The following SH3KBP1 variants were observed in gnomAD, a reference collection of about 807,000 sequenced individuals.
SH3KBP1 encodes the protein SH3 domain containing kinase binding protein 1.
In SH3KBP1, 8 loss-of-function variants were observed where a neutral mutation model predicts 50.1. The observed-to-expected ratio is 0.16, with a 90% CI of 0.09 to 0.29. The LOEUF (loss-of-function observed/expected upper bound fraction) is 0.29, where lower values mean the gene tolerates loss of function less well. SH3KBP1 is among the 10% of genes least tolerant of loss of function. The pLI is 1.00. For synonymous variants in SH3KBP1, 227 were observed against 218.6 expected, an observed-to-expected ratio of 1.04 and a Z score of -0.34; for missense variants, 377 against 535.2, an observed-to-expected ratio of 0.70 and a Z score of 2.92.
At chrX:19,616,596 C>T (rs770424485) in intron 8 of SH3KBP1, among the ~76,000 whole-genome samples, 1 of 111,483 alleles carries the variant, frequency 9.0e-6, no homozygotes, top group Admixed American at 9.5e-5. Flanking sequence ...TATATTATCT[C>T]AACAGTTGCT....
In SH3KBP1 at chrX:19,709,633, T is replaced by C. The variant is rs192047884; in HGVS notation, c.287-2649A>G. ...CTTCTTCCTGCAACACTGTACCACG[T>C]CACTTAGGTCTCTGCCATGGACCTC... On this transcript the variant is annotated intron_variant, in intron 3 of 17. Coordinates refer to ENST00000397821, the MANE Select transcript of SH3KBP1 (RefSeq NM_031892.3). Among the ~76,000 whole-genome samples the C allele has an allele frequency of 3.2e-3, 363 of 111,913 alleles. 2 individuals carry two copies. Among genetic ancestry groups the C allele is most frequent in the Admixed American group, 7.6e-3 (80 of 10,587 alleles).
chrX:19,670,670 G>A (rs897125299), intron 6 of SH3KBP1, among the ~76,000 whole-genome samples: 7 of 109,692 alleles, frequency 6.4e-5, no homozygotes, highest in Non-Finnish European at 1.3e-4. Flanking sequence ...CAAATAATCC[G>A]TATACTTGAT....
intron 3 of SH3KBP1, among the ~76,000 whole-genome samples, chrX:19,721,692 C>T (rs1256009200): frequency 1.8e-5 from 2 of 111,632 alleles, no homozygotes; most frequent in Admixed American, 9.5e-5. Context: ...ACCCCCAATC[C>T]CTGCTTTCAA....
chrX:19,772,219 T>C (rs1311876128), intron 2 of SH3KBP1, among the ~76,000 whole-genome samples: 1 of 105,346 alleles, frequency 9.5e-6, no homozygotes, highest in African/African-American at 3.3e-5. Context: ...CCAATGATGG[T>C]GTCCTCTTTA....
At chrX:19,613,619 A>G (rs1470934470) in intron 8 of SH3KBP1, among the ~76,000 whole-genome samples, 1 of 112,913 alleles carries the variant, frequency 8.9e-6, no homozygotes, top group Non-Finnish European at 1.9e-5. Context: ...ACTTTTCCCT[A>G]TAAAATGCAA....
At chrX:19,607,661 T>C (rs2067280263) in intron 9 of SH3KBP1, among the ~76,000 whole-genome samples, 1 of 111,915 alleles carries the variant, frequency 8.9e-6, no homozygotes, top group Non-Finnish European at 1.9e-5. Context: ...TCACAGTTTA[T>C]TTGGGTGCTG....
chrX:19,772,576 C>G (rs931941538), intron 2 of SH3KBP1, among the ~76,000 whole-genome samples: 2 of 111,074 alleles, frequency 1.8e-5, no homozygotes, highest in African/African-American at 6.6e-5. Flanking sequence ...CTCTCCGTTC[C>G]AACATTGAAC....
At chrX:19,731,345 C>T (rs1375703442) in intron 3 of SH3KBP1, among the ~76,000 whole-genome samples, 4 of 112,420 alleles carry the variant, frequency 3.6e-5, no homozygotes, top group Non-Finnish European at 7.5e-5. Flanking sequence ...TTCTCGCACT[C>T]GCCATCGCAT....
chrX:19,674,137 T>C (rs947598429), intron 6 of SH3KBP1, among the ~76,000 whole-genome samples: 1 of 111,657 alleles, frequency 9.0e-6, no homozygotes, highest in African/African-American at 3.3e-5. Flanking sequence ...TTCTCTCCAA[T>C]GTAGGGACAA....
chrX:19,536,502 G>A lies in SH3KBP1; in HGVS notation c.1957-44C>T, dbSNP rs754939573. The A allele has an allele frequency of 1.4e-5, 13 of 904,034 alleles. No individual in the cohort carries two copies. In the Admixed American group the frequency reaches 1.6e-4, roughly 11 times the overall value. The allele number at this position is 904,034 out of a possible 1,213,427, so 74.5% of individuals were successfully genotyped here. ...GAATGGAACAAAGTCATAATGAATC[G>A]GCTGGTTTTATAGAAGCTGAAAGAT... On this transcript the variant is annotated intron_variant, in intron 17 of 17. Transcript: ENST00000397821.
intron 12 of SH3KBP1, 21 bp downstream of exon 12, chrX:19,588,622 G>C (rs747523659): frequency 8.3e-7 from 1 of 1,207,304 alleles, no homozygotes; most frequent in Non-Finnish European, 1.1e-6. Flanking sequence ...ACCCGCCCCG[G>C]AGGTGAGAGC....
intron 13 of SH3KBP1, among the ~76,000 whole-genome samples, chrX:19,561,310 C>A (rs1260629325): frequency 9.1e-6 from 1 of 110,303 alleles, no homozygotes; most frequent in East Asian, 2.8e-4. Flanking sequence ...CATTCACCAG[C>A]CTGGGTAACT....
intron 13 of SH3KBP1, among the ~76,000 whole-genome samples, chrX:19,557,452 C>T (rs1481929104): frequency 9.0e-6 from 1 of 111,670 alleles, no homozygotes; most frequent in Non-Finnish European, 1.9e-5. Context: ...TTACTTTGTG[C>T]CAAGCATAGG....
chrX:19,842,400 C>A lies in SH3KBP1; in HGVS notation c.5-6118G>T, dbSNP rs974010862. Reference sequence around the variant, plus strand: ...AATTAGCTGGGTGTGGTGGCACGTGCCTGTAATCCCAGCTACTCAGGAGGC... The same window carrying A: ...AATTAGCTGGGTGTGGTGGCACGTGACTGTAATCCCAGCTACTCAGGAGGC... On this transcript the variant is annotated intron_variant, in intron 1 of 17. Transcript: ENST00000397821. Among the ~76,000 whole-genome samples the A allele has an allele frequency of 2.7e-5, 3 of 110,790 alleles. No homozygotes were observed. The South Asian group carries it at 1.1e-3, about 42-fold the overall frequency.
rs755872360 is a variant in SH3KBP1 at position 19,534,160 on chromosome X, C to G, written c.*2257G>C. 1 of 108,767 alleles carries G rather than the reference C, an allele frequency of 9.2e-6. No individual in the cohort carries two copies. Among genetic ancestry groups the G allele is most frequent in the Non-Finnish European group, 1.9e-5 (1 of 52,351 alleles). 9.0% of individuals were successfully genotyped at this position (108,767 alleles called of 1,213,427 possible). ...ATACTTCCAAGCTTTTCAACATTCT[C>G]GATGGGTCCATTTTGTAAAGAGTAA... On this transcript the variant is annotated 3_prime_UTR_variant, in exon 18 of 18. Transcript: ENST00000397821.
chrX:19,795,129 C>G (rs1276716467), intron 2 of SH3KBP1, among the ~76,000 whole-genome samples: 1 of 111,503 alleles, frequency 9.0e-6, no homozygotes, highest in Admixed American at 9.5e-5. Context: ...TATGCACACC[C>G]CATTATGATG....
chrX:19,771,451 A>T (rs1008347101), intron 2 of SH3KBP1, among the ~76,000 whole-genome samples: 2 of 111,570 alleles, frequency 1.8e-5, no homozygotes, highest in African/African-American at 3.3e-5. Context: ...TCCTGCCTCA[A>T]TGGTGGTGCA....
intron 1 of SH3KBP1, among the ~76,000 whole-genome samples, chrX:19,882,234 G>A (rs1038300398): frequency 2.7e-5 from 3 of 111,457 alleles, no homozygotes; most frequent in African/African-American, 9.8e-5. Context: ...GGGCAGTGTA[G>A]TGGTCAGAAT....
At chrX:19,694,986 G>A (rs371779329) in intron 5 of SH3KBP1, 20 of 1,189,100 alleles carry the variant, frequency 1.7e-5, no homozygotes, top group Admixed American at 4.6e-5. Flanking sequence ...GAAGTTTCCC[G>A]GTCCTGACCT....
Sources: allele counts gnomAD v4.1 joint callset (sites outside exome capture counted in the v4.1 genomes callset), GRCh38; gene constraint gnomAD v4.1.1; transcripts MANE v1.5; gene names NCBI Gene and HGNC (gene_info 2026-07-23, HGNC 2026-07-21).